CDH8: variants seen among roughly 807,000 people sequenced by gnomAD.
CDH8 encodes the protein cadherin 8.
Under a neutral mutation model 68.1 loss-of-function variants are expected in CDH8, and 17 were observed. The ratio of observed to expected loss-of-function variants is 0.25; its 90% confidence interval spans 0.17 to 0.37. CDH8 has a LOEUF of 0.37. Among genes scored for constraint, CDH8 ranks in the 10% least tolerant of loss-of-function variants. The probability of loss-of-function intolerance (pLI) is 1.00; values close to 1 mark genes in which losing one functional copy is unlikely to be tolerated. For synonymous variants in CDH8, 372 were observed against 365.1 expected, an observed-to-expected ratio of 1.02 and a Z score of -0.21; for missense variants, 763 against 999.3, an observed-to-expected ratio of 0.76 and a Z score of 3.19.
chr16:62,033,867 G>GA (rs35810250), intron 1 of CDH8, among the ~76,000 whole-genome samples: 73,947 of 147,846 alleles, frequency 0.5, 19,221 homozygotes, highest in African/African-American at 0.68. Flanking sequence ...TCAGAGTCCA[G>GA]AAAAAAAAAA....
rs909367038 is a variant in CDH8, at chr16:61,653,594, T to G, written c.*14A>C. On this transcript the variant is annotated 3_prime_UTR_variant, in exon 12 of 12. Coordinates refer to ENST00000577390, the MANE Select transcript of CDH8 (RefSeq NM_001796.5). ...CAGAATGCTCAGTTCCAGTGATTTATTTATAATCCACTGTCAAGTTTCTTT... is the reference window on the plus strand; with the variant it reads ...CAGAATGCTCAGTTCCAGTGATTTAGTTATAATCCACTGTCAAGTTTCTTT... 3.1e-6 allele frequency: 5 copies of G among 1,594,902 alleles called. No individual in the cohort carries two copies. Among genetic ancestry groups the G allele is most frequent in the Non-Finnish European group, 4.3e-6 (5 of 1,171,812 alleles).
intron 2 of CDH8, among the ~76,000 whole-genome samples, chr16:62,002,029 G>A (rs975177437): frequency 6.6e-5 from 10 of 152,150 alleles, no homozygotes; most frequent in Non-Finnish European, 1.2e-4. Flanking sequence ...CAAAGTAAAT[G>A]TTCATATCAT....
intron 7 of CDH8, among the ~76,000 whole-genome samples, chr16:61,807,505 CA>C (rs1961821624): frequency 7.2e-6 from 1 of 138,152 alleles, no homozygotes; most frequent in Non-Finnish European, 1.6e-5. Flanking sequence ...AAAACAAAAA[CA>C]AACAAACAAA....
intron 3 of CDH8, among the ~76,000 whole-genome samples, chr16:61,899,394 T>C: frequency 6.6e-6 from 1 of 151,942 alleles, no homozygotes; most frequent in East Asian, 1.9e-4. Context: ...AGCAGACCAA[T>C]GGGGCAAGGC....
chr16:61,758,205 T>G (rs1960370666), intron 8 of CDH8, among the ~76,000 whole-genome samples: 2 of 152,090 alleles, frequency 1.3e-5, no homozygotes, highest in Admixed American at 6.6e-5. Context: ...TATATACTGG[T>G]GAGAATTTTG....
intron 10 of CDH8, chr16:61,691,871 TTAG>T (rs1567424726): frequency 6.6e-6 from 1 of 152,146 alleles, no homozygotes; most frequent in Admixed American, 6.5e-5. Context: ...GATCAACTTA[TTAG>T]ACATTGACAG....
At chr16:61,801,225 A>C (rs1961618900) in intron 7 of CDH8, among the ~76,000 whole-genome samples, 1 of 152,172 alleles carries the variant, frequency 6.6e-6, no homozygotes. Context: ...TTACAAATAC[A>C]TGTAATTTGA....
intron 2 of CDH8, among the ~76,000 whole-genome samples, chr16:61,964,060 A>G (rs1597095372): frequency 6.6e-6 from 1 of 152,214 alleles, no homozygotes; most frequent in East Asian, 1.9e-4. Flanking sequence ...ACTTTAAGCC[A>G]AACAACTTAC....
intron 2 of CDH8, among the ~76,000 whole-genome samples, chr16:61,959,982 GTGTATATA>G (rs1188573440): frequency 0.027 from 848 of 31,010 alleles, 32 homozygotes; most frequent in South Asian, 0.052. Flanking sequence ...GTGTGTGTGT[GTGTATATA>G]TATATATATA....
intron 8 of CDH8, among the ~76,000 whole-genome samples, chr16:61,751,212 C>G (rs1955258730): frequency 1.3e-5 from 2 of 151,616 alleles, no homozygotes; most frequent in Non-Finnish European, 2.9e-5. Context: ...GTGCCTAACT[C>G]TAAAACACAT....
At position 61,777,082 on chromosome 16, in the gene CDH8, T is replaced by C. The variant is rs561270937; in HGVS notation, c.1414+12264A>G. Among the ~76,000 whole-genome samples, 8 of 152,118 alleles carry C rather than the reference T, an allele frequency of 5.3e-5. No individual in the cohort carries two copies. In the East Asian group the frequency reaches 1.2e-3, roughly 22 times the overall value. On this transcript the variant is annotated intron_variant, in intron 8 of 11. Coordinates refer to ENST00000577390, the MANE Select transcript of CDH8 (RefSeq NM_001796.5). ...CAATGATTCCAACCTAGCAAACAGATTTATGAGCCTGGATACTTAACCACT... is the reference window on the plus strand; with the variant it reads ...CAATGATTCCAACCTAGCAAACAGACTTATGAGCCTGGATACTTAACCACT...
chr16:61,996,816 A>G (rs1468024118), intron 2 of CDH8, among the ~76,000 whole-genome samples: 3 of 152,162 alleles, frequency 2.0e-5, no homozygotes, highest in Admixed American at 2.0e-4. Flanking sequence ...CCCGGGCTCA[A>G]GCAATACTCC....
chr16:61,862,845 A>T (rs1465243320), intron 3 of CDH8, among the ~76,000 whole-genome samples: 1 of 152,198 alleles, frequency 6.6e-6, no homozygotes, highest in Non-Finnish European at 1.5e-5. Flanking sequence ...TTGGTGTGTG[A>T]TAAATAGGAC....
intron 11 of CDH8, 25 bp downstream of exon 11, chr16:61,655,445 G>A (rs927635086): frequency 1.9e-6 from 3 of 1,612,580 alleles, no homozygotes; most frequent in East Asian, 2.2e-5. Context: ...AAGGGTGACC[G>A]GTAGGCTATG....
At chr16:61,863,385 G>A (rs748846269) in intron 3 of CDH8, among the ~76,000 whole-genome samples, 15 of 152,198 alleles carry the variant, frequency 9.9e-5, no homozygotes, top group East Asian at 7.7e-4. Flanking sequence ...CTACACTGTC[G>A]GGGTGGAGGT....
intron 3 of CDH8, among the ~76,000 whole-genome samples, chr16:61,858,449 T>G (rs183015992): frequency 1.5e-4 from 23 of 152,252 alleles, no homozygotes; most frequent in African/African-American, 5.5e-4. Flanking sequence ...TGCTGTGAGG[T>G]CAGGGCCAAT....
intron 3 of CDH8, among the ~76,000 whole-genome samples, chr16:61,871,831 A>C (rs1010259683): frequency 2.0e-5 from 3 of 146,988 alleles, no homozygotes; most frequent in Non-Finnish European, 4.5e-5. Flanking sequence ...AAAAAAAAAA[A>C]AAAAAAAAAA....
intron 9 of CDH8, among the ~76,000 whole-genome samples, chr16:61,718,103 T>C (rs1158305528): frequency 6.6e-6 from 1 of 151,366 alleles, no homozygotes; most frequent in Non-Finnish European, 1.5e-5. Flanking sequence ...ATGCCAGGCG[T>C]CCTCAAAACC....
chr16:61,806,587 A>G (rs1206954280), intron 7 of CDH8, among the ~76,000 whole-genome samples: 184 of 136,888 alleles, frequency 1.3e-3, no homozygotes, highest in African/African-American at 4.8e-3. Context: ...CAAAGGGCTA[A>G]TATCCGGAAT....
Sources: gnomAD v4.1 joint callset for allele counts (sites outside exome capture counted in the v4.1 genomes callset) on GRCh38, gnomAD v4.1.1 for gene constraint, MANE v1.5 for transcripts, NCBI Gene and HGNC (gene_info 2026-07-23, HGNC 2026-07-21) for gene names.